CPVL: variants seen among roughly 807,000 people sequenced by gnomAD.
CPVL encodes carboxypeptidase vitellogenic like.
CPVL carries 51 observed loss-of-function variants against 63.7 expected under a neutral mutation model. That is an observed-to-expected ratio of 0.80 (90% confidence interval 0.64 to 1.01). The LOEUF (loss-of-function observed/expected upper bound fraction) is 1.01. Ranked by LOEUF, CPVL falls within the 50% of genes least tolerant of loss-of-function variation. The pLI, the probability that CPVL is intolerant of heterozygous loss-of-function variation, is 0.00. For synonymous variants in CPVL, 195 were observed against 206.0 expected (o/e 0.95, Z 0.46); for missense variants, 530 against 573.1 (o/e 0.92, Z 0.77).
intron 11 of CPVL, among the ~76,000 whole-genome samples, chr7:29,040,041 G>T (rs4141276): frequency 0.097 from 14,681 of 151,858 alleles, 806 homozygotes; most frequent in Middle Eastern, 0.17. Context: ...GCCTCTATCT[G>T]TCTTAGTTTT....
chr7:29,121,087 C>A lies in CPVL; in HGVS notation c.-10-16G>T. ...CTCTCAGGGTCTAGGATAAAAACAG[C>A]ATTCCAAAAATGAATCATAAGAGTA... On this transcript the variant is annotated splice_polypyrimidine_tract_variant and intron_variant, in intron 1 of 12. Coordinates refer to ENST00000265394, the MANE Select transcript of CPVL (RefSeq NM_031311.5). 1 of 1,555,302 alleles carries A rather than the reference C, an allele frequency of 6.4e-7. No individual in the cohort carries two copies. Among genetic ancestry groups the A allele is most frequent in the Non-Finnish European group, 8.7e-7 (1 of 1,154,824 alleles).
chr7:29,146,804 C>T (rs1313864541), upstream of CPVL: 2 of 1,549,628 alleles, frequency 1.3e-6, no homozygotes, highest in African/African-American at 1.4e-5. Context: ...AAGCTGCTAT[C>T]TTAAAATTTC....
chr7:29,191,602 A>T (rs1584666086), intron 1 of CPVL: 1 of 152,230 alleles, frequency 6.6e-6, no homozygotes, highest in Non-Finnish European at 1.5e-5. Flanking sequence ...GATAATTTTT[A>T]TTCTTAAGAA....
At chr7:29,039,394 A>G (rs1788849616) in intron 11 of CPVL, among the ~76,000 whole-genome samples, 1 of 152,216 alleles carries the variant, frequency 6.6e-6, no homozygotes, top group Non-Finnish European at 1.5e-5. Context: ...TACCTGCAGA[A>G]GAGTACGTTT....
chr7:29,173,874 C>CA (rs1407579152), intron 5 of CPVL, among the ~76,000 whole-genome samples: 6 of 151,264 alleles, frequency 4.0e-5, no homozygotes, highest in Admixed American at 4.0e-4. Context: ...ATTACTTGGA[C>CA]CTGGGAGGTG....
At chr7:29,078,450 C>A (rs893298330) in intron 7 of CPVL, among the ~76,000 whole-genome samples, 31 of 152,122 alleles carry the variant, frequency 2.0e-4, no homozygotes, top group African/African-American at 7.0e-4. Context: ...ATGAATAAAC[C>A]CTTTTGTTTA....
At chr7:29,182,011 G>C (rs1322598619) in intron 4 of CPVL, among the ~76,000 whole-genome samples, 1 of 152,170 alleles carries the variant, frequency 6.6e-6, no homozygotes, top group African/African-American at 2.4e-5. Context: ...CATAAATGCT[G>C]TAAATGACTT....
Position 29,071,833 on chromosome 7 carries a change from C to G in CPVL, c.804G>C (p.Gln268His). ...LLDEKQKKYFQKQCHECIEHI... is the reference protein window; with the variant it reads ...LLDEKQKKYFHKQCHECIEHI... ...GTTCTATGCATTCATGGCACTGCTT[C>G]TGGAAGTACTTTTTTTGCTTCTCAT... The change falls in exon 9 of 13, where the codon CAG becomes CAC. Residue 268 changes from glutamine to histidine, a missense_variant. Transcript: ENST00000265394. The G allele has an allele frequency of 6.2e-7, 1 of 1,613,376 alleles. No individual in the cohort carries two copies.
chr7:29,041,195 G>A (rs1005333174), intron 11 of CPVL, among the ~76,000 whole-genome samples: 3 of 146,052 alleles, frequency 2.1e-5, no homozygotes, highest in South Asian at 2.2e-4. Flanking sequence ...GCAGTGGTGC[G>A]ATCTCGGCTC....
chr7:29,123,264 A>G (rs1306501111), intron 1 of CPVL, among the ~76,000 whole-genome samples: 1 of 152,124 alleles, frequency 6.6e-6, no homozygotes, highest in Non-Finnish European at 1.5e-5. Context: ...CCCCAGTAAG[A>G]TAAAGGTTTA....
At chr7:29,014,926 C>T (rs759441975) in intron 12 of CPVL, among the ~76,000 whole-genome samples, 6 of 152,168 alleles carry the variant, frequency 3.9e-5, no homozygotes, top group African/African-American at 1.2e-4. Context: ...AATGAATTGT[C>T]AGCAGTAATT....
intron 3 of CPVL, among the ~76,000 whole-genome samples, chr7:29,100,031 A>G (rs1786931870): frequency 6.6e-6 from 1 of 152,142 alleles, no homozygotes; most frequent in African/African-American, 2.4e-5. Context: ...TAAATAAGTG[A>G]TTTTTATCTC....
At chr7:29,146,554 TCGAG>T (rs764807330), upstream of CPVL, 191 of 1,530,844 alleles carry the variant, frequency 1.2e-4, no homozygotes, top group Non-Finnish European at 1.5e-4. Flanking sequence ...CCTGCAGAAC[TCGAG>T]CCTTTAAGCG....
At chr7:29,110,315 C>T (rs1257318782) in intron 3 of CPVL, among the ~76,000 whole-genome samples, 2 of 152,202 alleles carry the variant, frequency 1.3e-5, no homozygotes, top group East Asian at 1.9e-4. Context: ...CCTCCACAGG[C>T]TGCACAGGTC....
chr7:29,030,584 A>T lies in CPVL; in HGVS notation c.1313T>A (p.Phe438Tyr). 1.2e-6 allele frequency: 2 copies of T among 1,611,172 alleles called. No individual in the cohort carries two copies. The highest frequency in any genetic ancestry group is 1.3e-5 in the African/African-American group (1 of 74,950). The stretch of plus-strand genomic sequence containing the variant: ...TCCCAAGCATCTTCCTACCTGATGG[A>T]AGTCACCCGCTTGCCGGATGTAACC... ...VAGYIRQAGD[F>Y]HQVIIRGGGH... Residue 438 changes from phenylalanine to tyrosine, a missense_variant, in exon 12 of 13, where the codon TTC becomes TAC. By Grantham distance (22) the Phe-to-Tyr change is conservative. Transcript: ENST00000265394.
At chr7:29,000,531 G>A (rs1006679193) in intron 12 of CPVL, among the ~76,000 whole-genome samples, 11 of 152,258 alleles carry the variant, frequency 7.2e-5, no homozygotes, top group African/African-American at 9.6e-5. Flanking sequence ...TGCAGGGGCC[G>A]TGAAGCTGCG....
upstream of CPVL, chr7:29,146,888 G>A (rs907086934): frequency 6.4e-7 from 1 of 1,551,240 alleles, no homozygotes; most frequent in Admixed American, 2.0e-5. Context: ...TGGAAAGCGA[G>A]TGGTGTTTGA....
intron 6 of CPVL, among the ~76,000 whole-genome samples, chr7:29,090,645 G>T (rs946027863): frequency 5.3e-5 from 8 of 152,182 alleles, no homozygotes; most frequent in Non-Finnish European, 1.2e-4. Flanking sequence ...AATGGCAGAA[G>T]GAGATTGGCA....
At chr7:29,086,210 T>A (rs1785183689) in intron 7 of CPVL, among the ~76,000 whole-genome samples, 1 of 151,994 alleles carries the variant, frequency 6.6e-6, no homozygotes, top group Admixed American at 6.6e-5. Flanking sequence ...GAGAATTGCT[T>A]GAACCCAGGA....
Sources: allele counts gnomAD v4.1 joint callset (sites outside exome capture counted in the v4.1 genomes callset), GRCh38; gene constraint gnomAD v4.1.1; transcripts MANE v1.5; gene names NCBI Gene and HGNC (gene_info 2026-07-23, HGNC 2026-07-21).